Variants in IFRD1 observed in about 807,000 individuals in gnomAD.
The protein encoded by IFRD1 is interferon-related developmental regulator 1.
Under a neutral mutation model 52.9 loss-of-function variants are expected in IFRD1, and 35 were observed. The observed-to-expected ratio is 0.66, with a 90% CI of 0.51 to 0.88. The LOEUF is 0.88. Among genes scored for constraint, IFRD1 ranks in the 40% least tolerant of loss-of-function variants. The probability of loss-of-function intolerance (pLI) is 0.00; values close to 1 mark genes in which losing one functional copy is unlikely to be tolerated. For missense variants in IFRD1, 517 were observed against 550.8 expected, an observed-to-expected ratio of 0.94 and a Z score of 0.61; for synonymous variants, 184 against 188.4, an observed-to-expected ratio of 0.98 and a Z score of 0.19.
chr7:112,453,766 T>C (rs1795222156), intron 1 of IFRD1, among the ~76,000 whole-genome samples: 2 of 152,218 alleles, frequency 1.3e-5, no homozygotes, highest in Admixed American at 6.5e-5. Context: ...TATGCTTTAC[T>C]ACTTTGGCAC....
At position 112,468,048 on chromosome 7, in the gene IFRD1, A is replaced by G. The variant is rs751123555; in HGVS notation, c.974A>G (p.Lys325Arg). The G allele has an allele frequency of 6.2e-7, 1 of 1,614,082 alleles. No individual in the cohort carries two copies. Among genetic ancestry groups the G allele is most frequent in the South Asian group, 1.1e-5 (1 of 91,080 alleles). Reference protein sequence around the residue: ...MLRALATDGNKHRAKVDKRKQ... With the variant: ...MLRALATDGNRHRAKVDKRKQ... The stretch of plus-strand genomic sequence containing the variant: ...AGGGCCTTGGCAACAGATGGAAATA[A>G]ACACCGGGCCAAAGTGGACAAGAGA... Residue 325 changes from lysine (K) to arginine (R), a missense_variant, in exon 9 of 12, where the codon AAA (lysine) becomes AGA (arginine). Transcript: ENST00000403825.
intron 11 of IFRD1, among the ~76,000 whole-genome samples, chr7:112,475,033 A>G (rs561105241): frequency 6.0e-4 from 91 of 151,952 alleles, no homozygotes; most frequent in African/African-American, 2.2e-3. Flanking sequence ...ATCTCGGCTC[A>G]CTGCAACCTC....
chr7:112,473,469 G>C (rs1057416000), intron 11 of IFRD1, among the ~76,000 whole-genome samples: 1 of 150,746 alleles, frequency 6.6e-6, no homozygotes, highest in Admixed American at 6.6e-5. Flanking sequence ...CTGTCACTCA[G>C]ACTGGAGTGC....
chr7:112,429,525 G>T (rs965884857), intron 1 of IFRD1, among the ~76,000 whole-genome samples: 7 of 152,146 alleles, frequency 4.6e-5, no homozygotes, highest in African/African-American at 1.7e-4. Flanking sequence ...TGTCTTTGTT[G>T]TTCACCACAT....
chr7:112,457,916 A>T (rs1383039403), intron 4 of IFRD1: 1 of 152,174 alleles, frequency 6.6e-6, no homozygotes, highest in South Asian at 2.1e-4. Flanking sequence ...CTGAGAGTAA[A>T]AATTTTGTTG....
At chr7:112,423,879 A>C (rs1328904389) in intron 1 of IFRD1, among the ~76,000 whole-genome samples, 1 of 152,208 alleles carries the variant, frequency 6.6e-6, no homozygotes, top group Non-Finnish European at 1.5e-5. Flanking sequence ...TCTAGCCACC[A>C]GGGGACAAAT....
At chr7:112,445,652 C>A (rs1795011177), upstream of IFRD1, among the ~76,000 whole-genome samples, 1 of 152,178 alleles carries the variant, frequency 6.6e-6, no homozygotes, top group African/African-American at 2.4e-5. Flanking sequence ...CAATTAAAAA[C>A]ACAGTTATTG....
At chr7:112,467,930 T>G (rs116076119) in intron 8 of IFRD1, 51 bp from the exon 9 acceptor site, 1 of 1,340,138 alleles carries the variant, frequency 7.5e-7, no homozygotes, top group South Asian at 1.4e-5. Context: ...CTATATGAGG[T>G]CAGAAAAGAA....
In IFRD1 at chr7:112,476,329, A is replaced by G. The variant is rs1307448923; in HGVS notation, c.*810A>G. On this transcript the variant is annotated 3_prime_UTR_variant, in exon 12 of 12. Coordinates refer to ENST00000403825, the MANE Select transcript of IFRD1 (RefSeq NM_001550.4). ...TTAAAGTAGATGAAAAGAATGTAGC[A>G]ATACATAATTGGGATTAAGGTTTCT... 1 of 151,678 alleles carries G rather than the reference A, an allele frequency of 6.6e-6. No individual in the cohort carries two copies. Among genetic ancestry groups the G allele is most frequent in the African/African-American group, 2.4e-5 (1 of 41,416 alleles). 9.4% of individuals were successfully genotyped at this position (151,678 alleles called of 1,614,324 possible). A position where few individuals can be genotyped will look rare whatever the true frequency, so the allele number is the denominator to read the frequency against.
At chr7:112,445,150 T>G (rs1375628665) in intron 1 of IFRD1, among the ~76,000 whole-genome samples, 1 of 145,120 alleles carries the variant, frequency 6.9e-6, no homozygotes, top group East Asian at 2.0e-4. Flanking sequence ...CACTGCAAGC[T>G]CCGCTTCCCG....
chr7:112,430,812 C>T (rs1049294672), intron 1 of IFRD1, among the ~76,000 whole-genome samples: 36 of 152,116 alleles, frequency 2.4e-4, no homozygotes, highest in African/African-American at 6.3e-4. Context: ...TTTGCTACTC[C>T]GCCAGAAGTG....
At chr7:112,467,756 GTTAA>G in intron 8 of IFRD1, 2 of 514,806 alleles carry the variant, frequency 3.9e-6, no homozygotes, top group South Asian at 2.1e-5. Flanking sequence ...GAAGGGAAAT[GTTAA>G]TTGTTTTGCT....
At chr7:112,471,480 C>G (rs1245297918) in intron 9 of IFRD1, among the ~76,000 whole-genome samples, 1 of 152,144 alleles carries the variant, frequency 6.6e-6, no homozygotes, top group Non-Finnish European at 1.5e-5. Flanking sequence ...CTGTGGCAGT[C>G]AGCTCCTCCC....
At chr7:112,465,831 T>G (rs1795594004) in intron 8 of IFRD1, among the ~76,000 whole-genome samples, 1 of 152,194 alleles carries the variant, frequency 6.6e-6, no homozygotes, top group African/African-American at 2.4e-5. Flanking sequence ...CAGATTTTTT[T>G]TAAAAAGGTG....
intron 1 of IFRD1, among the ~76,000 whole-genome samples, chr7:112,426,544 T>C (rs1156311230): frequency 2.0e-5 from 3 of 152,220 alleles, no homozygotes; most frequent in African/African-American, 7.2e-5. Context: ...TCTTGCCGCA[T>C]CATGTAAACC....
At chr7:112,427,694 T>C (rs923844412) in intron 1 of IFRD1, among the ~76,000 whole-genome samples, 2 of 152,334 alleles carry the variant, frequency 1.3e-5, no homozygotes, top group Non-Finnish European at 2.9e-5. Context: ...AGCTTAGACA[T>C]ACCCCAGAAC....
chr7:112,450,356 T>G, upstream of IFRD1: 1 of 332,358 alleles, frequency 3.0e-6, no homozygotes, highest in Non-Finnish European at 5.7e-6. Flanking sequence ...AGGCGTCCAG[T>G]GGGGAGGTGT....
intron 1 of IFRD1, among the ~76,000 whole-genome samples, chr7:112,454,740 A>G (rs927757923): frequency 2.0e-5 from 3 of 151,854 alleles, no homozygotes; most frequent in Non-Finnish European, 4.4e-5. Context: ...CTCATTGGAA[A>G]ATATATTTGT....
intron 1 of IFRD1, chr7:112,452,374 C>A: frequency 1.5e-6 from 1 of 654,314 alleles, no homozygotes; most frequent in Non-Finnish European, 1.9e-6. Flanking sequence ...CCAGGCTGGT[C>A]ACGAGTCCCT....
Sources: allele counts gnomAD v4.1 joint callset (sites outside exome capture counted in the v4.1 genomes callset), GRCh38; gene constraint gnomAD v4.1.1; transcripts MANE v1.5; gene names NCBI Gene and HGNC (gene_info 2026-07-23, HGNC 2026-07-21).